Variants in XRRA1 observed in about 807,000 individuals in gnomAD.
The protein encoded by XRRA1 is X-ray radiation resistance associated 1, also known as X-ray radiation resistance-associated protein 1.
In XRRA1, 69 loss-of-function variants were observed where a neutral mutation model predicts 80.2. The observed-to-expected ratio is 0.86, with a 90% CI of 0.71 to 1.05. The LOEUF is 1.05. Ranked by LOEUF, XRRA1 falls within the 50% of genes least tolerant of loss-of-function variation. The pLI, the probability that XRRA1 is intolerant of heterozygous loss-of-function variation, is 0.00. For synonymous variants in XRRA1, 348 were observed against 389.9 expected (o/e 0.89, Z 1.27); for missense variants, 967 against 976.4 (o/e 0.99, Z 0.13).
chr11:74,920,384 T>C (rs1306858282), intron 8 of XRRA1, among the ~76,000 whole-genome samples: 1 of 152,198 alleles, frequency 6.6e-6, no homozygotes, highest in Non-Finnish European at 1.5e-5. Flanking sequence ...TTATTACATA[T>C]ATACACATAT....
chr11:74,915,321 G>A (rs61894839), intron 8 of XRRA1, among the ~76,000 whole-genome samples: 38,577 of 152,134 alleles, frequency 0.25, 5,806 homozygotes, highest in East Asian at 0.53. Context: ...AATGGATAGA[G>A]TGTGAAGACC....
At position 74,852,263 on chromosome 11, in the gene XRRA1, C is replaced by T. The variant is rs190792674; in HGVS notation, c.1171-181G>A. ...TGCCTTGACCCTGTAATAATACCTA[C>T]TCATGCACAGAGTACCTTGCCCCTC... On this transcript the variant is annotated intron_variant, in intron 12 of 18. Coordinates refer to ENST00000684022, the MANE Select transcript of XRRA1 (RefSeq NM_001378157.1). 5.9e-5 allele frequency among the ~76,000 whole-genome samples: 9 copies of T among 152,260 alleles called. No individual in the cohort carries two copies. In the East Asian group the frequency reaches 1.7e-3, roughly 29 times the overall value.
chr11:74,930,519 G>A, intron 5 of XRRA1, 147 bp from the exon 6 acceptor site: 1 of 641,492 alleles, frequency 1.6e-6, no homozygotes, highest in Admixed American at 2.9e-5. Context: ...AGACACTTGA[G>A]TGCTGTAAGG....
intron 1 of XRRA1, among the ~76,000 whole-genome samples, chr11:74,947,269 T>C (rs995302639): frequency 2.0e-5 from 3 of 151,574 alleles, no homozygotes; most frequent in African/African-American, 7.3e-5. Flanking sequence ...TTCATGCCTG[T>C]AATCCCAGCA....
At chr11:74,913,534 C>G (rs2056341897) in intron 8 of XRRA1, 1 of 152,196 alleles carries the variant, frequency 6.6e-6, no homozygotes, top group South Asian at 2.1e-4. Flanking sequence ...ACTGTGGATA[C>G]AGCTAAGGAC....
At chr11:74,943,524 G>GTAGGAGGGTGTGT (rs1946788820) in intron 2 of XRRA1, among the ~76,000 whole-genome samples, 3 of 137,762 alleles carry the variant, frequency 2.2e-5, no homozygotes, top group African/African-American at 8.1e-5. Flanking sequence ...AGAGTAGGAG[G>GTAGGAGGGTGTGT]GTGTGTGTGT....
In XRRA1 at chr11:74,848,380, T is replaced by G. The variant is rs566706461; in HGVS notation, c.1463A>C (p.Lys488Thr). ...PRMTTTKSPS[K>T]DMLEPEAELA... Reference sequence around the variant, plus strand: ...CTCTGCCTCTGGCTCTAGCATATCCTTTGAGGGAGACTTGGTTGTCGTCAT... The same window carrying G: ...CTCTGCCTCTGGCTCTAGCATATCCGTTGAGGGAGACTTGGTTGTCGTCAT... Residue 488 changes from lysine (K) to threonine (T), a missense_variant, in exon 15 of 19, where the codon AAG becomes ACG. By Grantham distance (78) the Lys-to-Thr change is moderately conservative. Transcript: ENST00000684022. 10 of 1,613,912 alleles carry G rather than the reference T, an allele frequency of 6.2e-6. No individual in the cohort carries two copies. Among genetic ancestry groups the G allele is most frequent in the Non-Finnish European group, 7.6e-6 (9 of 1,179,866 alleles).
At chr11:74,879,360 T>C (rs1005078125) in intron 10 of XRRA1, among the ~76,000 whole-genome samples, 8 of 152,328 alleles carry the variant, frequency 5.3e-5, no homozygotes, top group African/African-American at 1.9e-4. Context: ...TAAGGAGATT[T>C]TGGGCTGAGA....
At chr11:74,880,049 C>T (rs1279174356) in intron 10 of XRRA1, among the ~76,000 whole-genome samples, 1 of 151,828 alleles carries the variant, frequency 6.6e-6, no homozygotes, top group African/African-American at 2.4e-5. Context: ...GGTACTAGTT[C>T]CTCCTTGTAC....
intron 10 of XRRA1, among the ~76,000 whole-genome samples, chr11:74,897,647 A>T (rs2052642604): frequency 6.8e-6 from 1 of 146,586 alleles, no homozygotes; most frequent in Admixed American, 7.1e-5. Context: ...ATCTGGCAGG[A>T]GGCTTTTCAG....
At chr11:74,880,257 A>G (rs1024393804) in intron 10 of XRRA1, among the ~76,000 whole-genome samples, 4 of 152,038 alleles carry the variant, frequency 2.6e-5, no homozygotes, top group Admixed American at 1.3e-4. Context: ...TTGCATAGAG[A>G]TGTTTGTAGT....
At chr11:74,858,292 G>A (rs2041581624) in intron 12 of XRRA1, among the ~76,000 whole-genome samples, 1 of 152,194 alleles carries the variant, frequency 6.6e-6, no homozygotes. Flanking sequence ...GTAACAGTGG[G>A]GGAAAGAATA....
At chr11:74,894,592 A>G (rs1471928341) in intron 10 of XRRA1, among the ~76,000 whole-genome samples, 1 of 152,184 alleles carries the variant, frequency 6.6e-6, no homozygotes, top group Non-Finnish European at 1.5e-5. Flanking sequence ...GAAACTTGCC[A>G]AACACTTAAC....
chr11:74,909,754 A>T (rs185274849), intron 8 of XRRA1: 1 of 152,158 alleles, frequency 6.6e-6, no homozygotes, highest in African/African-American at 2.4e-5. Flanking sequence ...AGCTGTTCAG[A>T]GTGGTGCTAT....
chr11:74,845,419 A>G, intron 15 of XRRA1, 148 bp from the exon 16 acceptor site: 1 of 800,640 alleles, frequency 1.2e-6, no homozygotes, highest in South Asian at 1.9e-5. Context: ...AAGCAGATAT[A>G]AAAATAGACA....
At chr11:74,923,642 T>C (rs1289915799) in intron 7 of XRRA1, among the ~76,000 whole-genome samples, 1 of 152,128 alleles carries the variant, frequency 6.6e-6, no homozygotes, top group Non-Finnish European at 1.5e-5. Context: ...TGGATCCCTA[T>C]TCTCCTTAAG....
chr11:74,891,058 C>T (rs1329396534), intron 10 of XRRA1, among the ~76,000 whole-genome samples: 2 of 152,282 alleles, frequency 1.3e-5, no homozygotes, highest in East Asian at 3.9e-4. Context: ...TTTTATGAGG[C>T]CAGCATCATC....
Position 74,845,291 on chromosome 11 carries a change from G to A in XRRA1, c.1729-20C>T, listed in dbSNP as rs373162972. 280 of 1,592,192 alleles carry A rather than the reference G, an allele frequency of 1.8e-4. No individual in the cohort carries two copies. Among genetic ancestry groups the A allele is most frequent in the Admixed American group, 3.5e-4 (20 of 56,454 alleles). On this transcript the variant is annotated intron_variant, in intron 15 of 18. Transcript: ENST00000684022. ...ACTCACCTGTGCCCAGGAAGAAAACGCATTCATTTGTCACTCATTCATTCA... is the reference window on the plus strand; with the variant it reads ...ACTCACCTGTGCCCAGGAAGAAAACACATTCATTTGTCACTCATTCATTCA...
chr11:74,873,106 C>T (rs1565285168), intron 10 of XRRA1, among the ~76,000 whole-genome samples: 1 of 152,112 alleles, frequency 6.6e-6, no homozygotes, highest in Non-Finnish European at 1.5e-5. Flanking sequence ...GAAGGGTGAG[C>T]AACTCAAGGA....
Sources: allele counts gnomAD v4.1 joint callset (sites outside exome capture counted in the v4.1 genomes callset), GRCh38; gene constraint gnomAD v4.1.1; transcripts MANE v1.5; gene names NCBI Gene and HGNC (gene_info 2026-07-23, HGNC 2026-07-21).